Variants in ZNF444 observed in about 807,000 individuals in gnomAD.
The protein encoded by ZNF444 is endothelial zinc finger protein 2.
ZNF444 carries 8 observed loss-of-function variants against 14.4 expected under a neutral mutation model. The observed-to-expected ratio is 0.56, with a 90% CI of 0.33 to 1.00. The LOEUF is 1.00. Ranked by LOEUF, ZNF444 falls within the 50% of genes least tolerant of loss-of-function variation. ZNF444 has a pLI of 0.03. For missense variants in ZNF444, 510 were observed against 504.8 expected, an observed-to-expected ratio of 1.01 and a Z score of -0.10; for synonymous variants, 258 against 235.9, an observed-to-expected ratio of 1.09 and a Z score of -0.86.
chr19:56,133,639 C>T (rs982299841), intron 1 of ZNF444, among the ~76,000 whole-genome samples: 4 of 150,704 alleles, frequency 2.7e-5, no homozygotes, highest in Non-Finnish European at 5.9e-5. Flanking sequence ...GGTGAAACCC[C>T]GTCTCTACTA....
rs574384562 is a variant in ZNF444 at position 56,135,474 on chromosome 19, A to T, written c.-197+2696A>T. Reference sequence around the variant, plus strand: ...CGGTTGGTTAAAATTCAGCTGCCAAACCATGCCATGAAGGATCCAGGTTCC... The same window carrying T: ...CGGTTGGTTAAAATTCAGCTGCCAATCCATGCCATGAAGGATCCAGGTTCC... On this transcript the variant is annotated intron_variant, in intron 1 of 2. Transcript: ENST00000587467. Among the ~76,000 whole-genome samples, 6 of 152,082 alleles carry T rather than the reference A, an allele frequency of 3.9e-5. No individual in the cohort carries two copies. The South Asian group carries it at 1.2e-3, about 32-fold the overall frequency.
At chr19:56,135,701 T>C (rs892248503) in intron 1 of ZNF444, among the ~76,000 whole-genome samples, 3 of 151,744 alleles carry the variant, frequency 2.0e-5, no homozygotes, top group Non-Finnish European at 4.4e-5. Flanking sequence ...CAGGTTTCAT[T>C]AGCCAGAATA....
At chr19:56,159,503 C>A in intron 4 of ZNF444, 121 bp from the exon 5 acceptor site, 1 of 860,682 alleles carries the variant, frequency 1.2e-6, no homozygotes, top group Non-Finnish European at 1.7e-6. Flanking sequence ...CACAGCCCAG[C>A]CCTCTTCCCA....
At chr19:56,138,792 C>CCTT (rs761283528), upstream of ZNF444, among the ~76,000 whole-genome samples, 42 of 92,868 alleles carry the variant, frequency 4.5e-4, no homozygotes, top group African/African-American at 1.8e-3. Context: ...CTTGAATGTA[C>CCTT]TTTTTTTTTT....
At chr19:56,159,492 C>A (rs1439775961) in intron 4 of ZNF444, 132 bp from the exon 5 acceptor site, 2 of 752,118 alleles carry the variant, frequency 2.7e-6, no homozygotes, top group East Asian at 6.2e-5. Flanking sequence ...AATAAGAAGC[C>A]CACAGCCCAG....
upstream of ZNF444, among the ~76,000 whole-genome samples, chr19:56,140,635 T>A (rs2030738306): frequency 6.6e-6 from 1 of 152,088 alleles, no homozygotes; most frequent in Non-Finnish European, 1.5e-5. Context: ...ACGTCCTGAT[T>A]CCTGGCACCG....
Position 56,145,050 on chromosome 19 carries a change from G to A in ZNF444, c.-196-1197G>A, listed in dbSNP as rs1600008290. Reference sequence around the variant, plus strand: ...TAGCTCCAAGGCGGCCGTGGACAGCGCGTGAGCAAGTGGGCGTGGATGTGC... The same window carrying A: ...TAGCTCCAAGGCGGCCGTGGACAGCACGTGAGCAAGTGGGCGTGGATGTGC... On this transcript the variant is annotated intron_variant, in intron 1 of 4. Transcript: ENST00000337080. This position sits in a 1 kb window ranked among gnomAD's most constrained non-coding sequence, Gnocchi z 4.3. Among the ~76,000 whole-genome samples the A allele has an allele frequency of 2.6e-5, 4 of 152,368 alleles. No homozygotes were observed. The South Asian group carries it at 6.2e-4, about 24-fold the overall frequency.
intron 3 of ZNF444, among the ~76,000 whole-genome samples, chr19:56,152,803 G>A (rs2031665986): frequency 6.6e-6 from 1 of 151,702 alleles, no homozygotes; most frequent in East Asian, 2.0e-4. Context: ...GTCTCTCTGG[G>A]GTCTCTTGTA....
Position 56,159,809 on chromosome 19 carries a change from C to T in ZNF444, c.592C>T (p.Arg198Trp), listed in dbSNP as rs1280304328. Residue 198 changes from arginine to tryptophan, a missense_variant, in exon 5 of 5, where the codon CGG becomes TGG. Physicochemically the swap from Arg to Trp is moderately radical, Grantham distance 101 (BLOSUM62 -3). Transcript: ENST00000337080. ...SLKPAHLLRHRQSHSGEKPHA... is the reference protein window; with the variant it reads ...SLKPAHLLRHWQSHSGEKPHA... ...GAAACCAGCTCACCTGCTGCGCCAC[C>T]GGCAGAGCCACTCGGGCGAGAAGCC... 3.2e-6 allele frequency: 5 copies of T among 1,584,338 alleles called. No individual in the cohort carries two copies. The highest frequency in any genetic ancestry group is 2.7e-5 in the African/African-American group (2 of 74,506).
chr19:56,148,864 G>GTC (rs1414148023), intron 3 of ZNF444, among the ~76,000 whole-genome samples: 1 of 152,124 alleles, frequency 6.6e-6, no homozygotes, highest in African/African-American at 2.4e-5. Context: ...CCCTTCTCAA[G>GTC]TCTCCAAAAT....
At chr19:56,135,202 G>A (rs1315861952) in intron 1 of ZNF444, among the ~76,000 whole-genome samples, 2 of 152,152 alleles carry the variant, frequency 1.3e-5, no homozygotes, top group African/African-American at 4.8e-5. Context: ...CTGCACTCCA[G>A]CCTGGGTGAC....
chr19:56,152,841 C>T (rs1227870434), intron 3 of ZNF444, among the ~76,000 whole-genome samples: 1 of 152,072 alleles, frequency 6.6e-6, no homozygotes, highest in East Asian at 1.9e-4. Flanking sequence ...TTCATGAGGG[C>T]TCCCCCTTCA....
At chr19:56,156,573 A>G (rs769545029) in intron 3 of ZNF444, 1 of 152,152 alleles carries the variant, frequency 6.6e-6, no homozygotes, top group South Asian at 2.1e-4. Flanking sequence ...ATTTAAGGAT[A>G]TTTTTAGTTT....
At chr19:56,152,527 G>C (rs2031650707) in intron 3 of ZNF444, among the ~76,000 whole-genome samples, 1 of 150,986 alleles carries the variant, frequency 6.6e-6, no homozygotes. Flanking sequence ...TCTCTGAATA[G>C]GTTTCTGTGT....
chr19:56,141,986 CATT>C (rs1254003193), intron 1 of ZNF444, among the ~76,000 whole-genome samples: 3 of 152,098 alleles, frequency 2.0e-5, no homozygotes, highest in African/African-American at 4.8e-5. Context: ...TGTTGCAAGG[CATT>C]ATTACCTTCG....
rs1439407612 is a variant in ZNF444, at chr19:56,144,619, AGCCCAG to A, written c.-196-1625_-196-1620del. On this transcript the variant is annotated intron_variant, in intron 1 of 4. Coordinates refer to ENST00000337080, the MANE Select transcript of ZNF444 (RefSeq NM_018337.4). The surrounding 1 kb of genome is among the most constrained non-coding windows in gnomAD (Gnocchi z 4.0). The stretch of plus-strand genomic sequence containing the variant: ...TGTGGTTAGTGACATGGCGGTCAGG[AGCCCAG>A]GCTTTGGTTGTATCAGGAGGAAAAT... 6.6e-6 allele frequency among the ~76,000 whole-genome samples: 1 copy of A among 152,184 alleles called. No individual in the cohort carries two copies. The highest frequency in any genetic ancestry group is 2.4e-5 in the African/African-American group (1 of 41,440).
chr19:56,160,207 T>A lies in ZNF444; in HGVS notation c.*6T>A. 1 of 1,435,656 alleles carries A rather than the reference T, an allele frequency of 7.0e-7. No individual in the cohort carries two copies. The highest frequency in any genetic ancestry group is 3.0e-5 in the Admixed American group (1 of 33,812). The allele number at this position is 1,435,656 out of a possible 1,614,324, so 88.9% of individuals were successfully genotyped here. On this transcript the variant is annotated 3_prime_UTR_variant, in exon 5 of 5. Transcript: ENST00000337080. ...CGCCCTGGCCCTTGGGTTAGCCGCCTCCCGGCCAGCGCCATCTCCCGCCCT... is the reference window on the plus strand; with the variant it reads ...CGCCCTGGCCCTTGGGTTAGCCGCCACCCGGCCAGCGCCATCTCCCGCCCT...
In ZNF444 at chr19:56,158,477, C is replaced by T; in HGVS notation, c.298-17C>T. The T allele has an allele frequency of 1.3e-6, 2 of 1,595,376 alleles. No individual in the cohort carries two copies. Among genetic ancestry groups the T allele is most frequent in the East Asian group, 2.3e-5 (1 of 44,170 alleles). On this transcript the variant is annotated splice_polypyrimidine_tract_variant and intron_variant, in intron 3 of 4. Coordinates refer to ENST00000337080, the MANE Select transcript of ZNF444 (RefSeq NM_018337.4). ...CTTGCTCAGGTTTCTGAGTTCAAAA[C>T]TGTGCTCTCATTTCAGGGGCCAGCA...
chr19:56,137,044 A>G (rs927231167), upstream of ZNF444, among the ~76,000 whole-genome samples: 1 of 150,484 alleles, frequency 6.6e-6, no homozygotes, highest in African/African-American at 2.4e-5. Context: ...CGGCCTCCCA[A>G]AGTGCTGGGA....
Sources: gnomAD v4.1 joint callset for allele counts (sites outside exome capture counted in the v4.1 genomes callset) on GRCh38, gnomAD v4.1.1 for gene constraint, Gnocchi (gnomAD v3.1) non-coding constraint, MANE v1.5 for transcripts, NCBI Gene and HGNC (gene_info 2026-07-23, HGNC 2026-07-21) for gene names.